The following MAST1 variants were observed in gnomAD, a reference collection of about 807,000 sequenced individuals.
MAST1 encodes the protein microtubule associated serine/threonine kinase 1.
Under a neutral mutation model 124.6 loss-of-function variants are expected in MAST1, and 40 were observed. The observed-to-expected ratio is 0.32, with a 90% CI of 0.25 to 0.42. MAST1 has a LOEUF of 0.42. MAST1 is among the 10% of genes least tolerant of loss of function. The pLI is 1.00. For missense variants in MAST1, 1,558 were observed against 2,181.9 expected (o/e 0.71, Z 5.70); for synonymous variants, 938 against 939.4 (o/e 1.00, Z 0.03).
chr19:12,862,308 T>C (rs1243337108), intron 12 of MAST1, among the ~76,000 whole-genome samples: 1 of 151,928 alleles, frequency 6.6e-6, no homozygotes, highest in African/African-American at 2.4e-5. Context: ...CCCAGCCTTG[T>C]TTTGTTTTAT....
intron 10 of MAST1, among the ~76,000 whole-genome samples, chr19:12,856,072 T>A (rs1226834102): frequency 6.6e-6 from 1 of 152,126 alleles, no homozygotes; most frequent in African/African-American, 2.4e-5. Context: ...TGCCCAATTC[T>A]GTCAATTTTT....
chr19:12,856,194 A>T (rs1970015185), intron 10 of MAST1, among the ~76,000 whole-genome samples: 1 of 152,046 alleles, frequency 6.6e-6, no homozygotes. Flanking sequence ...TCCCTAAGAA[A>T]AATCAAAATA....
chr19:12,847,270 G>A lies in MAST1; in HGVS notation c.328-20G>A, dbSNP rs376692361. The stretch of plus-strand genomic sequence containing the variant: ...GGGGGCCCATGGTGGCTCTGACCCC[G>A]GCCCTGCCCCTGTCCCCAGTCCTCC... On this transcript the variant is annotated intron_variant, in intron 4 of 25. Coordinates refer to ENST00000251472, the MANE Select transcript of MAST1 (RefSeq NM_014975.3). The surrounding 1 kb of genome is among the most constrained non-coding windows in gnomAD (Gnocchi z 5.5). 42 of 1,585,536 alleles carry A rather than the reference G, an allele frequency of 2.6e-5. No homozygotes were observed. The highest frequency in any genetic ancestry group is 3.6e-5 in the Non-Finnish European group (42 of 1,157,994).
At chr19:12,851,179 C>T (rs988928254) in intron 7 of MAST1, among the ~76,000 whole-genome samples, 2 of 151,968 alleles carry the variant, frequency 1.3e-5, no homozygotes, top group East Asian at 3.9e-4. Context: ...AACCCCTGAC[C>T]TCAAGTAATT....
At chr19:12,854,983 C>T (rs895423996) in intron 10 of MAST1, among the ~76,000 whole-genome samples, 2 of 152,142 alleles carry the variant, frequency 1.3e-5, no homozygotes, top group Non-Finnish European at 2.9e-5. Flanking sequence ...GTAATCCCAG[C>T]ACTTTGAGAG....
At chr19:12,852,847 C>CA (rs58271940) in intron 10 of MAST1, among the ~76,000 whole-genome samples, 41,169 of 150,272 alleles carry the variant, frequency 0.27, 6,185 homozygotes, top group East Asian at 0.61. Context: ...GAAACTGTCT[C>CA]AAAAAATAAA....
intron 12 of MAST1, among the ~76,000 whole-genome samples, chr19:12,862,458 A>G (rs1970095988): frequency 6.6e-6 from 1 of 152,076 alleles, no homozygotes; most frequent in African/African-American, 2.4e-5. Context: ...ATGTCCAGCT[A>G]ATGGAGGGTT....
chr19:12,871,462 C>A (rs1970233283), intron 24 of MAST1, among the ~76,000 whole-genome samples: 1 of 152,112 alleles, frequency 6.6e-6, no homozygotes, highest in Middle Eastern at 3.4e-3. Context: ...CAAAAATTAG[C>A]CTGGCATGGT....
Position 12,866,315 on chromosome 19 carries a change from G to A in MAST1, c.2029+213G>A, listed in dbSNP as rs997838476. On this transcript the variant is annotated intron_variant, in intron 17 of 25. Transcript: ENST00000251472. This position sits in a 1 kb window ranked among gnomAD's most constrained non-coding sequence, Gnocchi z 5.2. ...AAATGTAGGTAAGAACCTGAGATTG[G>A]GCTAGGTGTGGGGCCTGGCCTGGGT... 1.3e-5 allele frequency among the ~76,000 whole-genome samples: 2 copies of A among 152,174 alleles called. No individual in the cohort carries two copies. Among genetic ancestry groups the A allele is most frequent in the Admixed American group, 6.5e-5 (1 of 15,278 alleles).
chr19:12,859,058 TATTTATTTATTTATTC>T (rs1286312525), intron 12 of MAST1: 2 of 184,636 alleles, frequency 1.1e-5, no homozygotes, highest in African/African-American at 4.9e-5. Flanking sequence ...TGTTTTTATT[TATTTATTTATTTATTC>T]ATTTATTCAT....
intron 10 of MAST1, among the ~76,000 whole-genome samples, chr19:12,855,507 C>T (rs1002364282): frequency 6.6e-6 from 1 of 152,142 alleles, no homozygotes; most frequent in Non-Finnish European, 1.5e-5. Context: ...TGTGGTGGAA[C>T]CAGCTGAGTG....
At chr19:12,839,095 T>C (rs1211176186) in intron 1 of MAST1, among the ~76,000 whole-genome samples, 1 of 147,626 alleles carries the variant, frequency 6.8e-6, no homozygotes, top group African/African-American at 2.5e-5. Context: ...GGCTTGGGGC[T>C]CCCTCTTCGG....
In MAST1 at chr19:12,841,155, A is replaced by G. The variant is rs1265111188; in HGVS notation, c.248+89A>G. ...CGCCATCTGTTCTCCTCCTAATTGC[A>G]CCCGAGCTGGGGCCTGAGGGGACCA... On this transcript the variant is annotated intron_variant, in intron 3 of 25. Coordinates refer to ENST00000251472, the MANE Select transcript of MAST1 (RefSeq NM_014975.3). This position sits in a 1 kb window ranked among gnomAD's most constrained non-coding sequence, Gnocchi z 4.3. 2.8e-6 allele frequency: 2 copies of G among 717,520 alleles called. No homozygotes were observed. Among genetic ancestry groups the G allele is most frequent in the Non-Finnish European group, 2.5e-6 (1 of 396,806 alleles). The allele number at this position is 717,520 out of a possible 1,614,324, so 44.4% of individuals were successfully genotyped here.
chr19:12,864,717 G>T, intron 12 of MAST1, 92 bp from the exon 13 acceptor site: 3 of 1,526,380 alleles, frequency 2.0e-6, no homozygotes, highest in Non-Finnish European at 2.7e-6. Flanking sequence ...CTATAAAACG[G>T]GTACAACATA....
Position 12,847,889 on chromosome 19 carries a change from C to G in MAST1, c.606C>G (p.Arg202=). The change falls in exon 7 of 26, where the codon CGC becomes CGG. Residue 202 remains arginine, a synonymous_variant. Coordinates refer to ENST00000251472, the MANE Select transcript of MAST1 (RefSeq NM_014975.3). This position sits in a 1 kb window ranked among gnomAD's most constrained non-coding sequence, Gnocchi z 5.5. ...QMEEKLRDFT[R]AYEPDSVLPL... ...AGGAGAAGCTGCGCGACTTTACCCGCGCCTACGAACCCGACAGCGTTCTGC... is the reference window on the plus strand; with the variant it reads ...AGGAGAAGCTGCGCGACTTTACCCGGGCCTACGAACCCGACAGCGTTCTGC... 2 of 1,613,504 alleles carry G rather than the reference C, an allele frequency of 1.2e-6. No individual in the cohort carries two copies. Among genetic ancestry groups the G allele is most frequent in the Non-Finnish European group, 8.5e-7 (1 of 1,179,798 alleles).
intron 12 of MAST1, 61 bp from the exon 13 acceptor site, chr19:12,864,748 G>GA: frequency 6.2e-7 from 1 of 1,600,534 alleles, no homozygotes; most frequent in South Asian, 1.1e-5. Context: ...TTGGTGCTAT[G>GA]GTGCATGTCC....
chr19:12,874,890 C>T lies in MAST1; in HGVS notation c.*20C>T, dbSNP rs756183513. 4.2e-5 allele frequency: 66 copies of T among 1,583,406 alleles called. No homozygotes were observed. In the Middle Eastern group the frequency reaches 1.2e-3, roughly 28 times the overall value. ...CCATAGCCAAGGGGGTCATCGGCCC[C>T]GCGCTGTACAGCCTCCGTATACATA... On this transcript the variant is annotated 3_prime_UTR_variant, in exon 26 of 26. Transcript: ENST00000251472. The surrounding 1 kb of genome is among the most constrained non-coding windows in gnomAD (Gnocchi z 6.6).
rs1390742253 is a variant in MAST1, at chr19:12,865,313, C to T, written c.1639-3C>T. The T allele has an allele frequency of 1.9e-6, 3 of 1,586,906 alleles. No individual in the cohort carries two copies. Among genetic ancestry groups the T allele is most frequent in the Non-Finnish European group, 2.6e-6 (3 of 1,167,036 alleles). ...GGGGCGTGGGCTGACAGCCTGCCCCCAGGTGTGTGGGACCCCAGAGTACAT... is the reference window on the plus strand; with the variant it reads ...GGGGCGTGGGCTGACAGCCTGCCCCTAGGTGTGTGGGACCCCAGAGTACAT... On this transcript the variant is annotated splice_region_variant and splice_polypyrimidine_tract_variant and intron_variant, in intron 14 of 25. Coordinates refer to ENST00000251472, the MANE Select transcript of MAST1 (RefSeq NM_014975.3). The surrounding 1 kb of genome is among the most constrained non-coding windows in gnomAD (Gnocchi z 7.1).
At position 12,838,650 on chromosome 19, in the gene MAST1, C is replaced by G; in HGVS notation, c.78C>G (p.Thr26=). Residue 26 remains threonine, a synonymous_variant, in exon 1 of 26, where the codon ACC becomes ACG. Coordinates refer to ENST00000251472, the MANE Select transcript of MAST1 (RefSeq NM_014975.3). The surrounding 1 kb of genome is among the most constrained non-coding windows in gnomAD (Gnocchi z 4.3). Reference sequence around the variant, plus strand: ...CCGGCGGCAGTATGTTCCGCCGCACCAAGAGGTAGACCCCCGATCCCCTAG... The same window carrying G: ...CCGGCGGCAGTATGTTCCGCCGCACGAAGAGGTAGACCCCCGATCCCCTAG... ...SFPGGSMFRR[T]KSCRTSNRKS... 8.1e-6 allele frequency: 13 copies of G among 1,609,188 alleles called. No homozygotes were observed. Among genetic ancestry groups the G allele is most frequent in the Non-Finnish European group, 1.1e-5 (13 of 1,178,196 alleles).
Sources: gnomAD v4.1 joint callset for allele counts (sites outside exome capture counted in the v4.1 genomes callset) on GRCh38, gnomAD v4.1.1 for gene constraint, Gnocchi (gnomAD v3.1) non-coding constraint, MANE v1.5 for transcripts, NCBI Gene and HGNC (gene_info 2026-07-23, HGNC 2026-07-21) for gene names.